Variants in FAF1 observed in about 807,000 individuals in gnomAD.
The protein encoded by FAF1 is FAS-associated factor 1.
In FAF1, 25 loss-of-function variants were observed where a neutral mutation model predicts 92.5. That is an observed-to-expected ratio of 0.27 (90% CI 0.20 to 0.38). The LOEUF (loss-of-function observed/expected upper bound fraction) is 0.38. Ranked by LOEUF, FAF1 falls within the 10% of genes least tolerant of loss-of-function variation. The pLI, the probability that FAF1 is intolerant of heterozygous loss-of-function variation, is 1.00. For synonymous variants in FAF1, 234 were observed against 273.2 expected (o/e 0.86, Z 1.42); for missense variants, 636 against 793.3 (o/e 0.80, Z 2.38).
At chr1:50,668,515 A>G (rs911372322) in intron 7 of FAF1, among the ~76,000 whole-genome samples, 2 of 152,238 alleles carry the variant, frequency 1.3e-5, no homozygotes, top group Non-Finnish European at 2.9e-5. Context: ...GAGCAAAGTT[A>G]TAAGAGTAAA....
At chr1:50,452,275 A>C in intron 18 of FAF1, 2 of 630,648 alleles carry the variant, frequency 3.2e-6, no homozygotes, top group South Asian at 1.7e-5. Flanking sequence ...TGAAAGCATA[A>C]ACTGGACACA....
At chr1:50,592,418 C>T (rs1651563812) in intron 9 of FAF1, among the ~76,000 whole-genome samples, 1 of 151,830 alleles carries the variant, frequency 6.6e-6, no homozygotes, top group East Asian at 1.9e-4. Context: ...GCTAGGTATC[C>T]AGAAATATGG....
At chr1:50,877,809 T>C (rs1052954816) in intron 1 of FAF1, among the ~76,000 whole-genome samples, 16 of 152,194 alleles carry the variant, frequency 1.1e-4, no homozygotes, top group Admixed American at 3.9e-4. Context: ...ATATAAATTC[T>C]TGTGATACCC....
At chr1:50,715,903 G>A (rs1367348565) in intron 6 of FAF1, among the ~76,000 whole-genome samples, 1 of 152,020 alleles carries the variant, frequency 6.6e-6, no homozygotes, top group African/African-American at 2.4e-5. Flanking sequence ...TTATATATAT[G>A]AACATACAAA....
At chr1:50,924,938 G>C (rs9804090) in intron 1 of FAF1, among the ~76,000 whole-genome samples, 2 of 152,164 alleles carry the variant, frequency 1.3e-5, no homozygotes, top group African/African-American at 4.8e-5. Flanking sequence ...AGCTGAGATC[G>C]TGCCATTGCA....
intron 7 of FAF1, among the ~76,000 whole-genome samples, chr1:50,683,868 G>A (rs1267300510): frequency 6.6e-6 from 1 of 151,590 alleles, no homozygotes; most frequent in Non-Finnish European, 1.5e-5. Flanking sequence ...GGAGGCGGAG[G>A]TTGTGGTGAG....
intron 2 of FAF1, among the ~76,000 whole-genome samples, chr1:50,838,471 A>G (rs1644229767): frequency 6.7e-6 from 1 of 148,712 alleles, no homozygotes; most frequent in African/African-American, 2.4e-5. Flanking sequence ...AATTACAAAT[A>G]TATAATTATA....
At chr1:50,885,590 G>A (rs1644654997) in intron 1 of FAF1, among the ~76,000 whole-genome samples, 1 of 151,968 alleles carries the variant, frequency 6.6e-6, no homozygotes, top group East Asian at 1.9e-4. Flanking sequence ...GGTGAAGTGT[G>A]TTTCTTGTAG....
chr1:50,518,442 T>C (rs1413218085), intron 15 of FAF1, among the ~76,000 whole-genome samples: 2 of 151,120 alleles, frequency 1.3e-5, no homozygotes, highest in African/African-American at 2.4e-5. Flanking sequence ...CAAGTTTCTT[T>C]CTTTTTTTTT....
intron 8 of FAF1, among the ~76,000 whole-genome samples, chr1:50,623,435 G>T (rs181390854): frequency 1.3e-5 from 2 of 151,798 alleles, no homozygotes; most frequent in African/African-American, 4.8e-5. Flanking sequence ...TGGGTGTGGC[G>T]GCGTGCACCT....
chr1:50,484,491 T>C (rs906605370), intron 17 of FAF1, among the ~76,000 whole-genome samples: 2 of 152,148 alleles, frequency 1.3e-5, no homozygotes, highest in Non-Finnish European at 2.9e-5. Flanking sequence ...TATTTATGTA[T>C]TGGCACCTAC....
chr1:50,749,308 C>A (rs1312572092), intron 4 of FAF1, among the ~76,000 whole-genome samples: 1 of 152,200 alleles, frequency 6.6e-6, no homozygotes, highest in Admixed American at 6.5e-5. Context: ...TGAAAACACT[C>A]TGAGCCCTCA....
rs1319063615 is a variant in FAF1, at chr1:50,438,407, C to T, written c.*3033G>A. The T allele has an allele frequency of 6.6e-6, 1 of 152,166 alleles. No individual in the cohort carries two copies. Among genetic ancestry groups the T allele is most frequent in the Non-Finnish European group, 1.5e-5 (1 of 68,048 alleles). 9.4% of individuals were successfully genotyped at this position (152,166 alleles called of 1,614,324 possible). ...TGTGGTTATATGTATGTGAAGATCT[C>T]TCTTCCTCTAAGAATTTTAAAAAGG... On this transcript the variant is annotated 3_prime_UTR_variant, in exon 19 of 19. Coordinates refer to ENST00000396153, the MANE Select transcript of FAF1 (RefSeq NM_007051.3).
At chr1:50,948,595 C>T (rs1570175807) in intron 1 of FAF1, among the ~76,000 whole-genome samples, 1 of 149,840 alleles carries the variant, frequency 6.7e-6, no homozygotes. Flanking sequence ...TGCAGTGACG[C>T]GATTTCAGCT....
chr1:50,552,361 T>C lies in FAF1; in HGVS notation c.1269-12633A>G, dbSNP rs895798769. On this transcript the variant is annotated intron_variant, in intron 13 of 18. Transcript: ENST00000396153. ...AACTCACCCACCACAGTCACTATGG[T>C]GGCCTAGTGGCATAGCTAGAATTCC... Among the ~76,000 whole-genome samples, 94 of 151,810 alleles carry C rather than the reference T, an allele frequency of 6.2e-4. 1 individual carries two copies. Among genetic ancestry groups the C allele is most frequent in the Non-Finnish European group, 2.1e-4 (14 of 67,980 alleles).
At chr1:50,724,302 C>T (rs867307832) in intron 6 of FAF1, among the ~76,000 whole-genome samples, 11 of 130,226 alleles carry the variant, frequency 8.4e-5, no homozygotes, top group African/African-American at 2.4e-4. Context: ...CACATACACA[C>T]ACACACACAC....
intron 15 of FAF1, among the ~76,000 whole-genome samples, chr1:50,522,222 G>C (rs1305931415): frequency 1.3e-5 from 2 of 152,170 alleles, no homozygotes; most frequent in African/African-American, 4.8e-5. Flanking sequence ...TAAGAGCACT[G>C]ATTCAGTTTA....
chr1:50,576,851 A>G (rs1350276224), intron 12 of FAF1, among the ~76,000 whole-genome samples: 3 of 147,220 alleles, frequency 2.0e-5, no homozygotes, highest in African/African-American at 7.6e-5. Flanking sequence ...TTTTTTGTAG[A>G]GATGGTGATC....
At chr1:50,764,676 CA>C (rs1476672064) in intron 4 of FAF1, among the ~76,000 whole-genome samples, 2 of 152,162 alleles carry the variant, frequency 1.3e-5, no homozygotes, top group Admixed American at 6.5e-5. Flanking sequence ...GCAGTTGTTT[CA>C]TATATTTTCT....
Sources: gnomAD v4.1 joint callset for allele counts (sites outside exome capture counted in the v4.1 genomes callset) on GRCh38, gnomAD v4.1.1 for gene constraint, MANE v1.5 for transcripts, NCBI Gene and HGNC (gene_info 2026-07-23, HGNC 2026-07-21) for gene names.